The following PIWIL1 variants were observed in gnomAD, a reference collection of about 807,000 sequenced individuals.
The protein encoded by PIWIL1 is piwi-like protein 1.
PIWIL1 carries 73 observed loss-of-function variants against 114.4 expected under a neutral mutation model. The ratio of observed to expected loss-of-function variants is 0.64; its 90% CI spans 0.53 to 0.78. PIWIL1 has a LOEUF of 0.78. Ranked by LOEUF, PIWIL1 falls within the 30% of genes least tolerant of loss-of-function variation. The pLI, the probability that PIWIL1 is intolerant of heterozygous loss-of-function variation, is 0.00. For missense variants in PIWIL1, 723 were observed against 1,063.1 expected (o/e 0.68, Z 4.45); for synonymous variants, 375 against 369.0 (o/e 1.02, Z -0.19).
In PIWIL1 at chr12:130,361,682, C is replaced by A. The variant is rs2073513233; in HGVS notation, c.1970+81C>A. On this transcript the variant is annotated intron_variant, in intron 16 of 20. Transcript: ENST00000245255. ...AGGTTCAGGAGTAGTGTTCATTCTTCGTTGTTATCCTTCCAGTTTCTCAAT... is the reference window on the plus strand; with the variant it reads ...AGGTTCAGGAGTAGTGTTCATTCTTAGTTGTTATCCTTCCAGTTTCTCAAT... 7 of 1,052,066 alleles carry A rather than the reference C, an allele frequency of 6.7e-6. No individual in the cohort carries two copies. In the East Asian group the frequency reaches 1.4e-4, roughly 21 times the overall value. 65.2% of individuals were successfully genotyped at this position (1,052,066 alleles called of 1,614,324 possible).
chr12:130,362,908 A>G, intron 17 of PIWIL1, 72 bp downstream of exon 17: 1 of 1,610,404 alleles, frequency 6.2e-7, no homozygotes, highest in Non-Finnish European at 8.5e-7. Flanking sequence ...GAACTGTGTT[A>G]TTGATGGGCC....
At chr12:130,420,834 C>G in the PIWIL1 span, 1 of 152,106 alleles carries the variant, frequency 6.6e-6, no homozygotes, top group Non-Finnish European at 1.5e-5. This position sits in a 1 kb window ranked among gnomAD's most constrained non-coding sequence, Gnocchi z 4.3. Context: ...GCTGATTTGT[C>G]ACAGCACAAT....
the PIWIL1 span, among the ~76,000 whole-genome samples, chr12:130,407,243 C>T: frequency 6.6e-6 from 1 of 152,212 alleles, no homozygotes; most frequent in Non-Finnish European, 1.5e-5. Flanking sequence ...CTGGAGACCC[C>T]ACCTCTCATT....
At chr12:130,416,310 C>T in the PIWIL1 span, among the ~76,000 whole-genome samples, 32 of 152,180 alleles carry the variant, frequency 2.1e-4, no homozygotes, top group Non-Finnish European at 4.6e-4. Flanking sequence ...CATCACATTA[C>T]CTGACTTCAA....
chr12:130,392,774 G>T, the PIWIL1 span, among the ~76,000 whole-genome samples: 1,045 of 10,370 alleles, frequency 0.1, 42 homozygotes, highest in Middle Eastern at 0.22. Context: ...AATGTTGTGA[G>T]GACCCAGTCA....
chr12:130,356,790 C>T (rs2073376522), intron 12 of PIWIL1, 128 bp from the exon 13 acceptor site: 3 of 592,240 alleles, frequency 5.1e-6, no homozygotes, highest in African/African-American at 1.9e-5. Context: ...TTCTCTGTCC[C>T]TTTAATTCAA....
chr12:130,340,437 A>G (rs991484329), intron 1 of PIWIL1, among the ~76,000 whole-genome samples: 1 of 151,870 alleles, frequency 6.6e-6, no homozygotes, highest in Non-Finnish European at 1.5e-5. Context: ...TTAGATTCTC[A>G]TAAGGAGCAG....
At chr12:130,404,568 A>C in the PIWIL1 span, among the ~76,000 whole-genome samples, 1 of 152,186 alleles carries the variant, frequency 6.6e-6, no homozygotes, top group Non-Finnish European at 1.5e-5. Context: ...CGCATGAGTC[A>C]CCGTGCCCGG....
chr12:130,340,623 G>A (rs1170774302), intron 1 of PIWIL1, among the ~76,000 whole-genome samples: 4 of 116,102 alleles, frequency 3.4e-5, no homozygotes, highest in Non-Finnish European at 5.3e-5. Flanking sequence ...GGGGGTTGGT[G>A]GTGGTGGTTG....
the PIWIL1 span, chr12:130,397,856 G>T: frequency 4.8e-6 from 1 of 209,654 alleles, no homozygotes; most frequent in Non-Finnish European, 9.4e-6. Flanking sequence ...GGGGAGACAT[G>T]ATCTGAAATT....
downstream of PIWIL1, among the ~76,000 whole-genome samples, chr12:130,376,846 C>T (rs893313912): frequency 2.0e-5 from 3 of 152,210 alleles, no homozygotes; most frequent in African/African-American, 7.2e-5. Context: ...ATCCCCATCT[C>T]AGGAACACAG....
At chr12:130,424,987 T>C in the PIWIL1 span, 3 of 469,238 alleles carry the variant, frequency 6.4e-6, no homozygotes, top group Non-Finnish European at 1.0e-5. The surrounding 1 kb of genome is among the most constrained non-coding windows in gnomAD (Gnocchi z 9.8). Context: ...GAAGCATGCG[T>C]CTACTCAGGC....
chr12:130,370,898 G>C (rs987804273), intron 19 of PIWIL1, among the ~76,000 whole-genome samples: 20 of 152,104 alleles, frequency 1.3e-4, no homozygotes, highest in Non-Finnish European at 7.4e-5. Flanking sequence ...CGTTTTTAGC[G>C]CCCGTAACAA....
chr12:130,370,064 A>T (rs1202693706), intron 19 of PIWIL1, among the ~76,000 whole-genome samples: 4 of 152,152 alleles, frequency 2.6e-5, no homozygotes, highest in Non-Finnish European at 5.9e-5. Context: ...AAGTCATTTA[A>T]CATTTCTTAA....
chr12:130,354,805 C>T (rs942179934), intron 10 of PIWIL1, 83 bp from the exon 11 acceptor site: 50 of 1,366,732 alleles, frequency 3.7e-5, no homozygotes, highest in Non-Finnish European at 4.7e-5. Flanking sequence ...TGGGAATTCC[C>T]ACTCACCATC....
In PIWIL1 at chr12:130,357,488, G is replaced by T. The variant is rs1156274847; in HGVS notation, c.1600G>T (p.Val534Leu). Reference sequence around the variant, plus strand: ...TGTGTACTTTCATTCTAGGATTGAAGTGGATGACAGAACTGAAGCCTACTT... The same window carrying T: ...TGTGTACTTTCATTCTAGGATTGAATTGGATGACAGAACTGAAGCCTACTT... The part of the protein sequence containing the change: ...MQMRKAIMIE[V>L]DDRTEAYLRV... The change falls in exon 14 of 21, where the codon GTG becomes TTG. Residue 534 changes from valine (V) to leucine (L), a missense_variant. Val to Leu is a conservative substitution (Grantham distance 32, BLOSUM62 1). This residue lies in a region of PIWIL1 where 298 missense variants were observed against 420.8 expected (regional missense o/e 0.71). Transcript: ENST00000245255. The T allele has an allele frequency of 6.2e-7, 1 of 1,612,630 alleles. No homozygotes were observed. The highest frequency in any genetic ancestry group is 1.3e-5 in the African/African-American group (1 of 74,986).
chr12:130,417,659 C>A, the PIWIL1 span, among the ~76,000 whole-genome samples: 1 of 152,206 alleles, frequency 6.6e-6, no homozygotes, highest in Non-Finnish European at 1.5e-5. Flanking sequence ...TCATTTGTAA[C>A]CCAAACATCA....
At chr12:130,373,659 G>A (rs1179921748), downstream of PIWIL1, among the ~76,000 whole-genome samples, 2 of 152,122 alleles carry the variant, frequency 1.3e-5, no homozygotes, top group East Asian at 3.9e-4. Context: ...TCAGGGGAGA[G>A]GCCAGGTGAA....
At chr12:130,369,736 T>C (rs555057741) in intron 19 of PIWIL1, among the ~76,000 whole-genome samples, 1,926 of 152,118 alleles carry the variant, frequency 0.013, 39 homozygotes, top group Admixed American at 0.047. Context: ...TTTTTAATGT[T>C]TTTTTTTCTT....
Sources: gnomAD v4.1 joint callset for allele counts (sites outside exome capture counted in the v4.1 genomes callset) on GRCh38, gnomAD v4.1.1 for gene constraint, gnomAD v4.1.1 regional missense constraint, Gnocchi (gnomAD v3.1) non-coding constraint, MANE v1.5 for transcripts, NCBI Gene and HGNC (gene_info 2026-07-23, HGNC 2026-07-21) for gene names.